CACHD1: variants seen among roughly 807,000 people sequenced by gnomAD.
CACHD1 encodes VWFA and cache domain-containing protein 1.
A neutral mutation model predicts 138.7 loss-of-function variants in CACHD1; 71 were observed. The ratio of observed to expected loss-of-function variants is 0.51; its 90% CI spans 0.42 to 0.62. CACHD1 has a LOEUF of 0.62. CACHD1 is among the 20% of genes least tolerant of loss of function. CACHD1 has a pLI of 0.00. For synonymous variants in CACHD1, 578 were observed against 591.5 expected (o/e 0.98, Z 0.33); for missense variants, 1,389 against 1,625.3 (o/e 0.85, Z 2.50).
At chr1:64,668,857 C>T (rs1277263810) in intron 16 of CACHD1, among the ~76,000 whole-genome samples, 5 of 152,090 alleles carry the variant, frequency 3.3e-5, no homozygotes, top group Non-Finnish European at 7.4e-5. Context: ...GATGGATGCA[C>T]GGATAGATAG....
chr1:64,628,747 A>C lies in CACHD1; in HGVS notation c.518-608A>C, dbSNP rs564514593. On this transcript the variant is annotated intron_variant, in intron 4 of 26. Coordinates refer to ENST00000651257, the MANE Select transcript of CACHD1 (RefSeq NM_020925.4). ...ATTTTCTCGACTCCAAAGTAGTGAT[A>C]ACAATACCACCCACATCTTGGGGTT... Among the ~76,000 whole-genome samples the C allele has an allele frequency of 5.8e-4, 89 of 152,342 alleles. 1 individual carries two copies. In the South Asian group the frequency reaches 0.015, roughly 26 times the overall value.
chr1:64,574,979 T>C (rs572691182), intron 2 of CACHD1, among the ~76,000 whole-genome samples: 2 of 152,324 alleles, frequency 1.3e-5, no homozygotes, highest in South Asian at 2.1e-4. Context: ...AATAAAATGG[T>C]TAGTTAACAT....
intron 1 of CACHD1, among the ~76,000 whole-genome samples, chr1:64,508,868 T>C (rs1401392349): frequency 1.3e-5 from 2 of 152,182 alleles, no homozygotes; most frequent in Admixed American, 6.5e-5. Context: ...TTCATCTTTT[T>C]ATCCTTGAAA....
intron 26 of CACHD1, among the ~76,000 whole-genome samples, chr1:64,687,262 C>T (rs1401390769): frequency 6.6e-6 from 1 of 152,196 alleles, no homozygotes; most frequent in Non-Finnish European, 1.5e-5. Flanking sequence ...GCAGAACTGC[C>T]TGGCACTGAG....
At chr1:64,635,276 C>T (rs549529951) in intron 7 of CACHD1, among the ~76,000 whole-genome samples, 3 of 151,898 alleles carry the variant, frequency 2.0e-5, no homozygotes, top group African/African-American at 4.8e-5. Context: ...CACATGTGGA[C>T]GTGAAGTGGG....
Position 64,641,082 on chromosome 1 carries a change from CT to C in CACHD1, c.1007-731del, listed in dbSNP as rs887501915. ...GTTTCTTTTTTTTCTCTTTTACCTTCTTTTTTTATCACCTTTTTGCTGATAG... is the reference window on the plus strand; with the variant it reads ...GTTTCTTTTTTTTCTCTTTTACCTTCTTTTTTATCACCTTTTTGCTGATAG... On this transcript the variant is annotated intron_variant, in intron 7 of 26. Coordinates refer to ENST00000651257, the MANE Select transcript of CACHD1 (RefSeq NM_020925.4). Among the ~76,000 whole-genome samples, 16 of 151,882 alleles carry C rather than the reference CT, an allele frequency of 1.1e-4. No homozygotes were observed. The East Asian group carries it at 1.2e-3, about 11-fold the overall frequency.
chr1:64,660,913 C>G (rs1377014338), intron 13 of CACHD1, among the ~76,000 whole-genome samples: 4 of 152,106 alleles, frequency 2.6e-5, no homozygotes, highest in Non-Finnish European at 5.9e-5. Flanking sequence ...GCAAGCACTG[C>G]CTCATAGAGA....
chr1:64,624,069 G>A (rs766673042), intron 4 of CACHD1, among the ~76,000 whole-genome samples: 2 of 152,192 alleles, frequency 1.3e-5, no homozygotes, highest in Non-Finnish European at 1.5e-5. Flanking sequence ...CCACATCTAG[G>A]TCAGAGAGGG....
At chr1:64,526,366 G>T (rs1646538577) in intron 1 of CACHD1, among the ~76,000 whole-genome samples, 1 of 151,954 alleles carries the variant, frequency 6.6e-6, no homozygotes, top group South Asian at 2.1e-4. Context: ...ACCCAAATCT[G>T]TGGGGCCATT....
rs57993424 is a variant in CACHD1 at position 64,681,541 on chromosome 1, G to GTTTTTTTTTTTTTTTTTT, written c.3484+212_3484+229dup. Among the ~76,000 whole-genome samples the GTTTTTTTTTTTTTTTTTT allele has an allele frequency of 4.7e-4, 32 of 68,142 alleles. 3 individuals are homozygous for GTTTTTTTTTTTTTTTTTT. Among genetic ancestry groups the GTTTTTTTTTTTTTTTTTT allele is most frequent in the East Asian group, 1.8e-3 (3 of 1,714 alleles). The allele number at this position is 68,142 out of a possible 152,430, so 44.7% of individuals were successfully genotyped here. A position where few individuals can be genotyped will look rare whatever the true frequency, so the allele number is the denominator to read the frequency against. On this transcript the variant is annotated intron_variant, in intron 25 of 26. Coordinates refer to ENST00000651257, the MANE Select transcript of CACHD1 (RefSeq NM_020925.4). ...AGAGAATCTCAAAAGATTTTATTGTGTTTTTTTTTTTTTTTTTTTTTTTGC... is the reference window on the plus strand; with the variant it reads ...AGAGAATCTCAAAAGATTTTATTGTGTTTTTTTTTTTTTTTTTTTTTTTTTTTTTTTTTTTTTTTTTGC...
intron 3 of CACHD1, among the ~76,000 whole-genome samples, chr1:64,585,200 AC>A (rs1460355958): frequency 6.6e-6 from 1 of 152,216 alleles, no homozygotes; most frequent in Non-Finnish European, 1.5e-5. Flanking sequence ...AGACATACAT[AC>A]ACACATGCAT....
At chr1:64,530,658 G>A (rs1455159265) in intron 1 of CACHD1, among the ~76,000 whole-genome samples, 2 of 151,976 alleles carry the variant, frequency 1.3e-5, no homozygotes, top group African/African-American at 2.4e-5. Context: ...ATCACCTGAG[G>A]TCAGGAGTTC....
intron 19 of CACHD1, among the ~76,000 whole-genome samples, 165 bp from the exon 20 acceptor site, chr1:64,675,236 T>C (rs1557551787): frequency 6.6e-6 from 1 of 152,246 alleles, no homozygotes; most frequent in African/African-American, 2.4e-5. Context: ...TTTTATTTTC[T>C]AAATTTTTAA....
intron 3 of CACHD1, among the ~76,000 whole-genome samples, chr1:64,597,846 T>C (rs1475144577): frequency 6.6e-6 from 1 of 152,198 alleles, no homozygotes; most frequent in African/African-American, 2.4e-5. Flanking sequence ...GCAGCTAATG[T>C]ACTTCTTAAT....
Position 64,586,054 on chromosome 1 carries a change from C to T in CACHD1, c.410+3750C>T, listed in dbSNP as rs374329643. 8.5e-5 allele frequency among the ~76,000 whole-genome samples: 13 copies of T among 152,202 alleles called. 1 individual carries two copies. Among genetic ancestry groups the T allele is most frequent in the Admixed American group, 4.6e-4 (7 of 15,288 alleles). On this transcript the variant is annotated intron_variant, in intron 3 of 26. Transcript: ENST00000651257. ...CTGGGGTGCCTGCTGAACACATTTT[C>T]AGTTCACGCCTTCCTTTTGTTTTTT...
At chr1:64,553,015 TAAC>T (rs1646771478) in intron 2 of CACHD1, among the ~76,000 whole-genome samples, 1 of 152,152 alleles carries the variant, frequency 6.6e-6, no homozygotes, top group African/African-American at 2.4e-5. Flanking sequence ...GAAGAACACT[TAAC>T]AAATAGATCT....
intron 1 of CACHD1, among the ~76,000 whole-genome samples, chr1:64,493,471 C>T (rs1646289759): frequency 1.3e-5 from 2 of 152,186 alleles, no homozygotes; most frequent in Admixed American, 6.5e-5. Context: ...CTTCCTATTT[C>T]TAAAGATTTG....
chr1:64,527,860 G>A (rs143603735), intron 1 of CACHD1, among the ~76,000 whole-genome samples: 1 of 152,294 alleles, frequency 6.6e-6, no homozygotes, highest in East Asian at 1.9e-4. Flanking sequence ...AAGGCCTCTT[G>A]TAAATTAGGG....
chr1:64,531,045 A>G (rs1570338158), intron 1 of CACHD1, among the ~76,000 whole-genome samples: 2 of 152,042 alleles, frequency 1.3e-5, no homozygotes, highest in East Asian at 3.9e-4. Context: ...ATTGGCAATG[A>G]ACTGTATATC....
Sources: allele counts gnomAD v4.1 joint callset (sites outside exome capture counted in the v4.1 genomes callset), GRCh38; gene constraint gnomAD v4.1.1; transcripts MANE v1.5; gene names NCBI Gene and HGNC (gene_info 2026-07-23, HGNC 2026-07-21).